ZBTB7A: variants seen among roughly 807,000 people sequenced by gnomAD.
ZBTB7A encodes zinc finger and BTB domain-containing protein 7A.
A neutral mutation model predicts 26.7 loss-of-function variants in ZBTB7A; 7 were observed. The ratio of observed to expected loss-of-function variants is 0.26; its 90% CI spans 0.15 to 0.49. ZBTB7A has a LOEUF of 0.49. Among genes scored for constraint, ZBTB7A ranks in the 20% least tolerant of loss-of-function variants. The pLI is 0.98. For synonymous variants in ZBTB7A, 452 were observed against 441.0 expected (o/e 1.02, Z -0.31); for missense variants, 617 against 919.5 (o/e 0.67, Z 4.25).
In ZBTB7A at chr19:4,045,945, G is replaced by T. The variant is rs997591835; in HGVS notation, c.*1807C>A. The T allele has an allele frequency of 2.5e-6, 1 of 398,688 alleles. No individual in the cohort carries two copies. The highest frequency in any genetic ancestry group is 4.4e-6 in the Non-Finnish European group (1 of 226,056). 24.7% of individuals were successfully genotyped at this position (398,688 alleles called of 1,614,324 possible). A position where few individuals can be genotyped will look rare whatever the true frequency, so the allele number is the denominator to read the frequency against. ...GGTTCTAAGGCCCTGGAGGTGGGGG[G>T]CCCCTGTCACCCACCTCAGCAGGGT... On this transcript the variant is annotated 3_prime_UTR_variant, in exon 3 of 3. Coordinates refer to ENST00000322357, the MANE Select transcript of ZBTB7A (RefSeq NM_015898.4). The surrounding 1 kb of genome is among the most constrained non-coding windows in gnomAD (Gnocchi z 4.1).
In ZBTB7A at chr19:4,047,939, T is replaced by C; in HGVS notation, c.1568A>G (p.Gln523Arg). 2.2e-6 allele frequency: 3 copies of C among 1,362,654 alleles called. No homozygotes were observed. Among genetic ancestry groups the C allele is most frequent in the Non-Finnish European group, 2.9e-6 (3 of 1,043,288 alleles). The allele number at this position is 1,362,654 out of a possible 1,614,324, so 84.4% of individuals were successfully genotyped here. The change falls in exon 3 of 3, where the codon CAG becomes CGG. Residue 523 changes from glutamine to arginine, a missense_variant. Gln to Arg is a conservative substitution (Grantham distance 43). Transcript: ENST00000322357. The stretch of plus-strand genomic sequence containing the variant: ...GCGCCGGGCGTCGGGGGAGCTGGGC[T>C]GGGCGGGGGCGCCGGGGGTCGCGGT... ...GATATPGAPA[Q>R]PSSPDARRNG...
In ZBTB7A at chr19:4,046,026, G is replaced by C. The variant is rs1048165298; in HGVS notation, c.*1726C>G. 7 of 398,926 alleles carry C rather than the reference G, an allele frequency of 1.8e-5. No homozygotes were observed. The highest frequency in any genetic ancestry group is 1.4e-4 in the African/African-American group (7 of 48,620). 24.7% of individuals were successfully genotyped at this position (398,926 alleles called of 1,614,324 possible). ...CCATGCGGGAGGGACAGGCGTGTTG[G>C]GGGATTGGGGGGTGCCGGATGGGGA... On this transcript the variant is annotated 3_prime_UTR_variant, in exon 3 of 3. Transcript: ENST00000322357.
In ZBTB7A at chr19:4,055,151, G is replaced by T; in HGVS notation, c.82C>A (p.Arg28=). 1 of 1,608,196 alleles carries T rather than the reference G, an allele frequency of 6.2e-7. No homozygotes were observed. ...ACGTCGCACAGCAGGCCCTGCGTCCGCTGCTCGTTCAGCCCACTCAGGATG... is the reference window on the plus strand; with the variant it reads ...ACGTCGCACAGCAGGCCCTGCGTCCTCTGCTCGTTCAGCCCACTCAGGATG... ...SDILSGLNEQ[R]TQGLLCDVVI... Residue 28 remains arginine (R), a synonymous_variant, in exon 2 of 3, where the codon CGG becomes AGG. Coordinates refer to ENST00000322357, the MANE Select transcript of ZBTB7A (RefSeq NM_015898.4).
In ZBTB7A at chr19:4,066,763, G is replaced by A. The variant is rs1246053203; in HGVS notation, c.-97C>T. ...CCTCGGCCGCTCGCCTCCGGGGTCC[G>A]CGGCGCTCGCTCTGCCCGCGTCGCG... On this transcript the variant is annotated 5_prime_UTR_variant, in exon 1 of 3. Coordinates refer to ENST00000322357, the MANE Select transcript of ZBTB7A (RefSeq NM_015898.4). 12 of 151,780 alleles carry A rather than the reference G, an allele frequency of 7.9e-5. No individual in the cohort carries two copies. Among genetic ancestry groups the A allele is most frequent in the Admixed American group, 7.9e-4 (12 of 15,204 alleles). 9.4% of individuals were successfully genotyped at this position (151,780 alleles called of 1,614,324 possible). A position where few individuals can be genotyped will look rare whatever the true frequency, so the allele number is the denominator to read the frequency against.
chr19:4,045,897 C>A lies in ZBTB7A; in HGVS notation c.*1855G>T. ...GTGCCTTTGAGTAAAAAGAGGGGTG[C>A]CTGGGGTGGGGAGAGGGGCGGTGGT... On this transcript the variant is annotated 3_prime_UTR_variant, in exon 3 of 3. Transcript: ENST00000322357. This position sits in a 1 kb window ranked among gnomAD's most constrained non-coding sequence, Gnocchi z 4.1. 2.5e-6 allele frequency: 1 copy of A among 398,566 alleles called. No homozygotes were observed. The highest frequency in any genetic ancestry group is 4.4e-6 in the Non-Finnish European group (1 of 226,064). 24.7% of individuals were successfully genotyped at this position (398,566 alleles called of 1,614,324 possible).
intron 1 of ZBTB7A, among the ~76,000 whole-genome samples, chr19:4,059,177 T>G (rs1458347732): frequency 6.6e-6 from 1 of 152,116 alleles, no homozygotes; most frequent in Non-Finnish European, 1.5e-5. Context: ...GGGGGAGACC[T>G]CTGACCCAGG....
chr19:4,055,142 C>T lies in ZBTB7A; in HGVS notation c.91G>A (p.Gly31Ser). ...LSGLNEQRTQGLLCDVVILVE... is the reference protein window; with the variant it reads ...LSGLNEQRTQSLLCDVVILVE... Reference sequence around the variant, plus strand: ...AGGATCACCACGTCGCACAGCAGGCCCTGCGTCCGCTGCTCGTTCAGCCCA... The same window carrying T: ...AGGATCACCACGTCGCACAGCAGGCTCTGCGTCCGCTGCTCGTTCAGCCCA... The change falls in exon 2 of 3, where the codon GGC becomes AGC. Residue 31 changes from glycine (G) to serine (S), a missense_variant. This residue lies in a region of ZBTB7A where 82 missense variants were observed against 195.2 expected (regional missense o/e 0.42). Transcript: ENST00000322357. 1 of 1,608,916 alleles carries T rather than the reference C, an allele frequency of 6.2e-7. No homozygotes were observed. Among genetic ancestry groups the T allele is most frequent in the Non-Finnish European group, 8.5e-7 (1 of 1,179,134 alleles).
In ZBTB7A at chr19:4,043,697, GCCCCCTCCACCCCCTGGGCCCGGCCCCCC is replaced by G; in HGVS notation, c.*4026_*4054del. Among the ~76,000 whole-genome samples, 2 of 74,790 alleles carry G rather than the reference GCCCCCTCCACCCCCTGGGCCCGGCCCCCC, an allele frequency of 2.7e-5. No homozygotes were observed. The highest frequency in any genetic ancestry group is 5.2e-5 in the Non-Finnish European group (2 of 38,632). 49.1% of individuals were successfully genotyped at this position (74,790 alleles called of 152,430 possible). A position where few individuals can be genotyped will look rare whatever the true frequency, so the allele number is the denominator to read the frequency against. On this transcript the variant is annotated 3_prime_UTR_variant, in exon 3 of 3. Coordinates refer to ENST00000322357, the MANE Select transcript of ZBTB7A (RefSeq NM_015898.4). ...CCGGCGAGGGATGGGGGTCTCCCTG[GCCCCCTCCACCCCCTGGGCCCGGCCCCCC>G]CCCCCCCCCCCCGTAAATCTATGTA...
In ZBTB7A at chr19:4,047,821, A is replaced by G; in HGVS notation, c.1686T>C (p.Gly562=). 1 of 1,602,730 alleles carries G rather than the reference A, an allele frequency of 6.2e-7. No individual in the cohort carries two copies. The highest frequency in any genetic ancestry group is 8.5e-7 in the Non-Finnish European group (1 of 1,175,616). The change falls in exon 3 of 3, where the codon GGT becomes GGC. Residue 562 remains glycine (G), a synonymous_variant. Coordinates refer to ENST00000322357, the MANE Select transcript of ZBTB7A (RefSeq NM_015898.4). ...GLGRLNVAGA[G]GGGDSGGGPG... ...GGCCACCTCCGCTGTCACCTCCTCC[A>G]CCGGCGCCCGCTACATTCAACCGGC...
In ZBTB7A at chr19:4,054,333, C is replaced by T; in HGVS notation, c.900G>A (p.Ala300=). Residue 300 remains alanine, a synonymous_variant, in exon 2 of 3, where the codon GCG becomes GCA. Transcript: ENST00000322357. ...GCCCGTCCCCGTCCTCGCCCTCGGC[C>T]GCTCCCGACAGGAAGCCCGGAGAGT... The part of the protein sequence containing the change: ...PGDSPGFLSG[A]AEGEDGDGPD... 5 of 1,509,760 alleles carry T rather than the reference C, an allele frequency of 3.3e-6. No homozygotes were observed. Among genetic ancestry groups the T allele is most frequent in the Middle Eastern group, 3.4e-4 (2 of 5,872 alleles). 93.5% of individuals were successfully genotyped at this position (1,509,760 alleles called of 1,614,324 possible).
chr19:4,058,722 C>T (rs894305846), intron 1 of ZBTB7A, among the ~76,000 whole-genome samples: 3 of 152,332 alleles, frequency 2.0e-5, no homozygotes, highest in East Asian at 3.9e-4. Context: ...GCTCTGACGC[C>T]GACGGGCTTG....
chr19:4,066,039 G>T (rs1208533327), intron 1 of ZBTB7A, among the ~76,000 whole-genome samples: 1 of 149,650 alleles, frequency 6.7e-6, no homozygotes, highest in Non-Finnish European at 1.5e-5. Context: ...TCGGCGCGGG[G>T]CACCCTGGGA....
At chr19:4,056,759 C>T (rs915383683) in intron 1 of ZBTB7A, among the ~76,000 whole-genome samples, 28 of 151,942 alleles carry the variant, frequency 1.8e-4, no homozygotes, top group Non-Finnish European at 3.4e-4. Context: ...CCCAGCTACT[C>T]GGGAGGCTGA....
At chr19:4,056,621 G>A (rs1299139768) in intron 1 of ZBTB7A, among the ~76,000 whole-genome samples, 2 of 152,256 alleles carry the variant, frequency 1.3e-5, no homozygotes, top group South Asian at 4.1e-4. Context: ...TGTAATCCCA[G>A]CACTTTGGGA....
In ZBTB7A at chr19:4,044,789, C is replaced by T. The variant is rs1372498045; in HGVS notation, c.*2963G>A. 1 of 149,732 alleles carries T rather than the reference C, an allele frequency of 6.7e-6. No individual in the cohort carries two copies. The highest frequency in any genetic ancestry group is 1.5e-5 in the Non-Finnish European group (1 of 67,700). 9.3% of individuals were successfully genotyped at this position (149,732 alleles called of 1,614,324 possible). On this transcript the variant is annotated 3_prime_UTR_variant, in exon 3 of 3. Transcript: ENST00000322357. ...AAAAAAGCTTTGAGCTGTGTCCTTT[C>T]ATATGGAGTCAACACGACCCTCCTC...
chr19:4,047,608 T>G lies in ZBTB7A; in HGVS notation c.*144A>C, dbSNP rs941441733. 2 of 609,152 alleles carry G rather than the reference T, an allele frequency of 3.3e-6. No homozygotes were observed. Among genetic ancestry groups the G allele is most frequent in the Non-Finnish European group, 2.4e-6 (1 of 411,546 alleles). 37.7% of individuals were successfully genotyped at this position (609,152 alleles called of 1,614,324 possible). ...TAGATTCTGTGACGCGTCATATATA[T>G]ATATCTGTATATATATATATAGATA... On this transcript the variant is annotated 3_prime_UTR_variant, in exon 3 of 3. Coordinates refer to ENST00000322357, the MANE Select transcript of ZBTB7A (RefSeq NM_015898.4).
intron 2 of ZBTB7A, among the ~76,000 whole-genome samples, chr19:4,049,013 T>G (rs2040461652): frequency 6.8e-6 from 1 of 147,254 alleles, no homozygotes; most frequent in South Asian, 2.2e-4. Context: ...TCTGGCTTTG[T>G]CCCCCAGGCT....
In ZBTB7A at chr19:4,047,967, C is replaced by A; in HGVS notation, c.1540G>T (p.Ala514Ser). ...RGGAPDPSPG[A>S]TATPGAPAQP... Reference sequence around the variant, plus strand: ...GCGGGGGCGCCGGGGGTCGCGGTGGCCCCCGGGCTGGGGTCGGGCGCCCCG... The same window carrying A: ...GCGGGGGCGCCGGGGGTCGCGGTGGACCCCGGGCTGGGGTCGGGCGCCCCG... The change falls in exon 3 of 3, where the codon GCC becomes TCC. Residue 514 changes from alanine to serine, a missense_variant. By Grantham distance (99) the Ala-to-Ser change is moderately conservative. Transcript: ENST00000322357. 2 of 1,245,488 alleles carry A rather than the reference C, an allele frequency of 1.6e-6. No individual in the cohort carries two copies. Among genetic ancestry groups the A allele is most frequent in the Non-Finnish European group, 1.0e-6 (1 of 983,544 alleles). The allele number at this position is 1,245,488 out of a possible 1,614,324, so 77.2% of individuals were successfully genotyped here. A position where few individuals can be genotyped will look rare whatever the true frequency, so the allele number is the denominator to read the frequency against.
At chr19:4,060,398 C>G (rs949635772) in intron 1 of ZBTB7A, among the ~76,000 whole-genome samples, 1 of 152,226 alleles carries the variant, frequency 6.6e-6, no homozygotes, top group Admixed American at 6.5e-5. Flanking sequence ...TCGAGAGCCA[C>G]GGCACCCGGG....
Sources: allele counts gnomAD v4.1 joint callset (sites outside exome capture counted in the v4.1 genomes callset), GRCh38; gene constraint gnomAD v4.1.1; regional missense constraint gnomAD v4.1.1; non-coding constraint Gnocchi (gnomAD v3.1); transcripts MANE v1.5; gene names NCBI Gene and HGNC (gene_info 2026-07-23, HGNC 2026-07-21).